The following COL23A1 variants were observed in gnomAD, a reference collection of about 807,000 sequenced individuals.
The protein encoded by COL23A1 is collagen alpha-1(XXIII) chain.
In COL23A1, 97 loss-of-function variants were observed where a neutral mutation model predicts 99.3. That is an observed-to-expected ratio of 0.98 (90% confidence interval 0.83 to 1.16). The LOEUF is 1.16. COL23A1 is among the 50% of genes most tolerant of loss of function. COL23A1 has a pLI of 0.00. For synonymous variants in COL23A1, 320 were observed against 308.2 expected (o/e 1.04, Z -0.40); for missense variants, 762 against 757.4 (o/e 1.01, Z -0.07).
intron 2 of COL23A1, among the ~76,000 whole-genome samples, chr5:178,425,150 T>A (rs1765843371): frequency 6.6e-6 from 1 of 152,194 alleles, no homozygotes; most frequent in South Asian, 2.1e-4. Flanking sequence ...GCGGCCGGTT[T>A]GGTGGCTCAT....
chr5:178,509,627 C>T (rs1314091452), intron 2 of COL23A1, among the ~76,000 whole-genome samples: 1 of 152,164 alleles, frequency 6.6e-6, no homozygotes, highest in Non-Finnish European at 1.5e-5. Context: ...CCTTAATGAT[C>T]GTGGGCTTTC....
chr5:178,438,115 C>G (rs1766662793), intron 2 of COL23A1, among the ~76,000 whole-genome samples: 2 of 152,364 alleles, frequency 1.3e-5, no homozygotes, highest in Admixed American at 6.5e-5. Flanking sequence ...ATCCTCAGAT[C>G]CTCTGCTGTG....
At chr5:178,541,128 G>T (rs1010069186) in intron 2 of COL23A1, among the ~76,000 whole-genome samples, 1 of 151,958 alleles carries the variant, frequency 6.6e-6, no homozygotes, top group Non-Finnish European at 1.5e-5. Flanking sequence ...TAACAGTATC[G>T]ACACATGGAT....
At chr5:178,275,830 G>A (rs1756554259) in intron 5 of COL23A1, among the ~76,000 whole-genome samples, 2 of 152,088 alleles carry the variant, frequency 1.3e-5, no homozygotes, top group African/African-American at 4.8e-5. Flanking sequence ...CAGCCCCCCG[G>A]TCCTGACCGA....
At chr5:178,510,554 T>C (rs990676351) in intron 2 of COL23A1, among the ~76,000 whole-genome samples, 19 of 152,094 alleles carry the variant, frequency 1.2e-4, no homozygotes, top group Non-Finnish European at 2.2e-4. Context: ...CTTTAGGAGA[T>C]ATACCTAATG....
chr5:178,406,706 G>A (rs962823705), intron 2 of COL23A1, among the ~76,000 whole-genome samples: 3 of 152,066 alleles, frequency 2.0e-5, no homozygotes, highest in African/African-American at 7.2e-5. Context: ...GGGATTACAG[G>A]CATGAGTCAC....
chr5:178,448,830 G>A (rs537186939), intron 2 of COL23A1, among the ~76,000 whole-genome samples: 34 of 151,918 alleles, frequency 2.2e-4, no homozygotes, highest in African/African-American at 8.0e-4. Flanking sequence ...CTCACCCCAC[G>A]AGGATCAGCC....
intron 11 of COL23A1, among the ~76,000 whole-genome samples, chr5:178,261,187 A>G (rs1281768109): frequency 6.6e-6 from 1 of 152,082 alleles, no homozygotes; most frequent in Non-Finnish European, 1.5e-5. Context: ...CTGAGGTGGG[A>G]GGATAACCTG....
chr5:178,380,951 C>A (rs922388696), intron 2 of COL23A1, among the ~76,000 whole-genome samples: 2 of 152,184 alleles, frequency 1.3e-5, no homozygotes, highest in African/African-American at 4.8e-5. Flanking sequence ...GTGGGCCCAC[C>A]CAGCCGGCAG....
chr5:178,517,077 C>G (rs1235948656), intron 2 of COL23A1, among the ~76,000 whole-genome samples: 1 of 152,120 alleles, frequency 6.6e-6, no homozygotes, highest in African/African-American at 2.4e-5. Context: ...CATCCATCCT[C>G]CCATCCATCC....
chr5:178,355,577 G>A (rs1178827516), intron 2 of COL23A1, among the ~76,000 whole-genome samples: 2 of 152,162 alleles, frequency 1.3e-5, no homozygotes, highest in African/African-American at 4.8e-5. Context: ...CTGTTGCCCA[G>A]GCTGGAGTGC....
intron 2 of COL23A1, among the ~76,000 whole-genome samples, chr5:178,513,261 G>A (rs1405209322): frequency 6.6e-6 from 1 of 152,272 alleles, no homozygotes; most frequent in East Asian, 1.9e-4. Flanking sequence ...GCACTGTGCC[G>A]AGTGCTGCCC....
intron 2 of COL23A1, among the ~76,000 whole-genome samples, chr5:178,431,854 C>T (rs1766283501): frequency 6.6e-6 from 1 of 152,220 alleles, no homozygotes; most frequent in African/African-American, 2.4e-5. Context: ...CTTGAATTGT[C>T]ACACATTGGC....
chr5:178,269,810 T>TCCATCCAC (rs1243768667), intron 6 of COL23A1, among the ~76,000 whole-genome samples: 1 of 151,614 alleles, frequency 6.6e-6, no homozygotes, highest in African/African-American at 2.4e-5. Flanking sequence ...CATCCATCCA[T>TCCATCCAC]CCATCCATCC....
chr5:178,425,032 C>A (rs927375729), intron 2 of COL23A1, among the ~76,000 whole-genome samples: 2 of 152,224 alleles, frequency 1.3e-5, no homozygotes, highest in Non-Finnish European at 2.9e-5. Context: ...CACTGACATG[C>A]CTTGGGGCAT....
At chr5:178,505,227 G>GGT (rs1205121972) in intron 2 of COL23A1, among the ~76,000 whole-genome samples, 17 of 151,376 alleles carry the variant, frequency 1.1e-4, no homozygotes, top group African/African-American at 4.1e-4. Context: ...ATTCTCCCAG[G>GGT]GTGTGTGTGT....
At chr5:178,253,901 C>G (rs1457028273) in intron 16 of COL23A1, among the ~76,000 whole-genome samples, 1 of 152,052 alleles carries the variant, frequency 6.6e-6, no homozygotes, top group Non-Finnish European at 1.5e-5. Context: ...TGGTGGCTCA[C>G]GCCTATAATC....
At position 178,307,915 on chromosome 5, in the gene COL23A1, A is replaced by G. The variant is rs1345789489; in HGVS notation, c.362-996T>C. 6.6e-6 allele frequency among the ~76,000 whole-genome samples: 1 copy of G among 152,088 alleles called. No individual in the cohort carries two copies. The highest frequency in any genetic ancestry group is 1.5e-5 in the Non-Finnish European group (1 of 68,012). On this transcript the variant is annotated intron_variant, in intron 2 of 28. Coordinates refer to ENST00000390654, the MANE Select transcript of COL23A1 (RefSeq NM_173465.4). This position sits in a 1 kb window ranked among gnomAD's most constrained non-coding sequence, Gnocchi z 4.2. Reference sequence around the variant, plus strand: ...CCTTTCCTGCAAAAGCCAACCTCAAACCCCGTCAAGAATTTCCAGAACAAC... The same window carrying G: ...CCTTTCCTGCAAAAGCCAACCTCAAGCCCCGTCAAGAATTTCCAGAACAAC...
intron 7 of COL23A1, among the ~76,000 whole-genome samples, chr5:178,268,508 G>C (rs1341050762): frequency 1.3e-5 from 2 of 152,198 alleles, no homozygotes; most frequent in Non-Finnish European, 2.9e-5. Flanking sequence ...GGTCCCAGGA[G>C]AACTCAAGAC....
Sources: gnomAD v4.1 joint callset for allele counts (sites outside exome capture counted in the v4.1 genomes callset) on GRCh38, gnomAD v4.1.1 for gene constraint, Gnocchi (gnomAD v3.1) non-coding constraint, MANE v1.5 for transcripts, NCBI Gene and HGNC (gene_info 2026-07-23, HGNC 2026-07-21) for gene names.